ASB14: variants seen among roughly 807,000 people sequenced by gnomAD.
The protein encoded by ASB14 is ankyrin repeat and SOCS box containing 14.
Under a neutral mutation model 55.6 loss-of-function variants are expected in ASB14, and 63 were observed. The observed-to-expected ratio is 1.13, with a 90% CI of 0.92 to 1.40. The LOEUF is 1.40. Ranked by LOEUF, ASB14 falls within the 40% of genes most tolerant of loss-of-function variation. The pLI is 0.00. For missense variants in ASB14, 724 were observed against 710.4 expected (o/e 1.02, Z -0.22); for synonymous variants, 256 against 259.9 (o/e 0.98, Z 0.15).
intron 2 of ASB14, among the ~76,000 whole-genome samples, chr3:57,290,236 C>T (rs2061118132): frequency 6.6e-6 from 1 of 152,172 alleles, no homozygotes; most frequent in South Asian, 2.1e-4. Flanking sequence ...TCTGTTCCTT[C>T]TGGAGGCTCT....
In ASB14 at chr3:57,291,896, A is replaced by G; in HGVS notation, c.122+16T>C. ...TACAACACTTAATACTATATTGCCGATGAGAAAACCATTACCTCTCATCCT... is the reference window on the plus strand; with the variant it reads ...TACAACACTTAATACTATATTGCCGGTGAGAAAACCATTACCTCTCATCCT... On this transcript the variant is annotated intron_variant, in intron 2 of 10. Transcript: ENST00000487349. 6.6e-7 allele frequency: 1 copy of G among 1,522,640 alleles called. No homozygotes were observed. Among genetic ancestry groups the G allele is most frequent in the Non-Finnish European group, 8.8e-7 (1 of 1,134,148 alleles). The allele number at this position is 1,522,640 out of a possible 1,614,324, so 94.3% of individuals were successfully genotyped here.
intron 5 of ASB14, among the ~76,000 whole-genome samples, chr3:57,285,514 C>T (rs1049324765): frequency 2.0e-5 from 3 of 152,100 alleles, no homozygotes; most frequent in Admixed American, 6.5e-5. Context: ...GCACATTTCT[C>T]GTCCCACCAT....
Position 57,288,175 on chromosome 3 carries a change from AT to A in ASB14, c.289del (p.Ile97PhefsTer4), listed in dbSNP as rs1382261085. 6.5e-7 allele frequency: 1 copy of A among 1,536,908 alleles called. No homozygotes were observed. The highest frequency in any genetic ancestry group is 1.4e-5 in the African/African-American group (1 of 73,040). ...TTTACCGCTTAGGGTTATTTCCAAA[AT>A]TTTCCTATTTAATTGCACTGCAGCC... ...HKAAVQLNRK[I>X]LEITLSASDP... is the part of the protein sequence containing the mutation. On this transcript the variant is annotated frameshift_variant, in exon 4 of 11. Transcript: ENST00000487349. LOFTEE classifies it high-confidence loss of function.
chr3:57,291,068 G>A (rs182950089), intron 2 of ASB14, among the ~76,000 whole-genome samples: 48 of 152,252 alleles, frequency 3.2e-4, no homozygotes, highest in African/African-American at 1.1e-3. Flanking sequence ...TCATAGAGAG[G>A]TAATGAGAAT....
rs1214358640 is a variant in ASB14 at position 57,268,986 on chromosome 3, T to TG, written c.*654dup. ...TCCATGAAATTGTAAGAGCGTGTTA[T>TG]GGGTTGTAGATTGACAGTAGGAATA... On this transcript the variant is annotated 3_prime_UTR_variant, in exon 11 of 11. Coordinates refer to ENST00000487349, the MANE Select transcript of ASB14 (RefSeq NM_001142733.3). The TG allele has an allele frequency of 6.5e-6, 1 of 153,066 alleles. No individual in the cohort carries two copies. Among genetic ancestry groups the TG allele is most frequent in the African/African-American group, 2.4e-5 (1 of 41,450 alleles). The allele number at this position is 153,066 out of a possible 1,614,324, so 9.5% of individuals were successfully genotyped here. A position where few individuals can be genotyped will look rare whatever the true frequency, so the allele number is the denominator to read the frequency against.
In ASB14 at chr3:57,278,776, C is replaced by T; in HGVS notation, c.1032G>A (p.Leu344=). The T allele has an allele frequency of 6.2e-7, 1 of 1,613,266 alleles. No homozygotes were observed. The highest frequency in any genetic ancestry group is 8.5e-7 in the Non-Finnish European group (1 of 1,179,638). ...IQAGFDVNFM[L]DQRINKHYDD... is the part of the protein sequence containing the mutation. The stretch of plus-strand genomic sequence containing the variant: ...CGTAGTGTTTGTTAATTCTCTGATC[C>T]AGCATGAAGTTCACATCAAATCCAG... Residue 344 remains leucine (L), a synonymous_variant, in exon 8 of 11, where the codon CTG becomes CTA. Transcript: ENST00000487349.
At chr3:57,289,482 T>C (rs2061111012) in intron 2 of ASB14, among the ~76,000 whole-genome samples, 1 of 152,154 alleles carries the variant, frequency 6.6e-6, no homozygotes, top group African/African-American at 2.4e-5. Context: ...TTGATGGCCA[T>C]TATAGAATGT....
rs543378148 is a variant in ASB14 at position 57,283,133 on chromosome 3, G to A, written c.715+61C>T. The A allele has an allele frequency of 1.1e-5, 17 of 1,527,778 alleles. No individual in the cohort carries two copies. In the African/African-American group the frequency reaches 2.1e-4, roughly 19 times the overall value. The allele number at this position is 1,527,778 out of a possible 1,614,324, so 94.6% of individuals were successfully genotyped here. The stretch of plus-strand genomic sequence containing the variant: ...TTATTATTTTGAAGCTCTCCATTAA[G>A]AGGAGAACCCCTGGATCATGTTACC... On this transcript the variant is annotated intron_variant, in intron 6 of 10. Transcript: ENST00000487349.
intron 10 of ASB14, among the ~76,000 whole-genome samples, chr3:57,275,404 A>T (rs1187245208): frequency 6.6e-6 from 1 of 151,014 alleles, no homozygotes; most frequent in African/African-American, 2.4e-5. Flanking sequence ...GTGAGCTGAG[A>T]TCATGCCACC....
chr3:57,275,774 A>G (rs1003634676), intron 10 of ASB14, among the ~76,000 whole-genome samples: 5 of 152,238 alleles, frequency 3.3e-5, no homozygotes, highest in African/African-American at 1.2e-4. Flanking sequence ...CATGTGTTAT[A>G]TAGCCTGTTG....
In ASB14 at chr3:57,277,852, A is replaced by G. The variant is rs1284771849; in HGVS notation, c.1500T>C (p.Asp500=). 1 of 1,613,950 alleles carries G rather than the reference A, an allele frequency of 6.2e-7. No individual in the cohort carries two copies. The highest frequency in any genetic ancestry group is 1.3e-5 in the African/African-American group (1 of 75,072). Residue 500 remains aspartate, a synonymous_variant, in exon 9 of 11, where the codon GAT becomes GAC. Coordinates refer to ENST00000487349, the MANE Select transcript of ASB14 (RefSeq NM_001142733.3). Reference sequence around the variant, plus strand: ...AACAGATCCGAACTTGATCAACATAATCAAGCATCACTCGAACAACCTTTC... The same window carrying G: ...AACAGATCCGAACTTGATCAACATAGTCAAGCATCACTCGAACAACCTTTC... ...LSGKVVRVML[D]YVDQVRICSK...
chr3:57,283,924 G>A (rs1396661628), intron 5 of ASB14, among the ~76,000 whole-genome samples: 1 of 151,962 alleles, frequency 6.6e-6, no homozygotes, highest in African/African-American at 2.4e-5. Context: ...GGTGGGAGTG[G>A]TTGAGGCCAT....
intron 9 of ASB14, among the ~76,000 whole-genome samples, chr3:57,277,064 G>A (rs907604237): frequency 6.6e-6 from 1 of 152,036 alleles, no homozygotes; most frequent in Non-Finnish European, 1.5e-5. Context: ...CCAGGAGTTC[G>A]AGACCAGCCT....
In ASB14 at chr3:57,283,457, T is replaced by C. The variant is rs1457314367; in HGVS notation, c.470-18A>G. On this transcript the variant is annotated intron_variant, in intron 5 of 10. Coordinates refer to ENST00000487349, the MANE Select transcript of ASB14 (RefSeq NM_001142733.3). ...CAGCACAGCTGGGAAATGAGAAGTG[T>C]GGTGGGCATGTTCAACGGGAAGTTA... The C allele has an allele frequency of 6.5e-7, 1 of 1,547,796 alleles. No individual in the cohort carries two copies. The highest frequency in any genetic ancestry group is 2.4e-5 in the East Asian group (1 of 40,870).
chr3:57,271,772 T>C (rs539926515), intron 10 of ASB14: 2 of 152,356 alleles, frequency 1.3e-5, no homozygotes, highest in African/African-American at 4.8e-5. Flanking sequence ...TTAAGTCATG[T>C]TCACAGGAAT....
Position 57,268,343 on chromosome 3 carries a change from A to C in ASB14, c.*1298T>G. ...CCATGTGATATTAACTGAAATGTCT[A>C]AAATTTAAAGTTATTTCATATTTAA... is the stretch of plus-strand genomic sequence containing the variant. On this transcript the variant is annotated 3_prime_UTR_variant, in exon 11 of 11. Transcript: ENST00000487349. 1 of 1,444,510 alleles carries C rather than the reference A, an allele frequency of 6.9e-7. No individual in the cohort carries two copies. The highest frequency in any genetic ancestry group is 9.3e-7 in the Non-Finnish European group (1 of 1,070,990). The allele number at this position is 1,444,510 out of a possible 1,614,324, so 89.5% of individuals were successfully genotyped here.
intron 2 of ASB14, among the ~76,000 whole-genome samples, 186 bp downstream of exon 2, chr3:57,291,722 CTAAT>C (rs200295717): frequency 6.6e-6 from 1 of 152,126 alleles, no homozygotes; most frequent in East Asian, 1.9e-4. Flanking sequence ...TTTTTATTGC[CTAAT>C]TAAATTCTGA....
chr3:57,283,742 T>C (rs1232307688), intron 5 of ASB14, among the ~76,000 whole-genome samples: 1 of 151,980 alleles, frequency 6.6e-6, no homozygotes, highest in Non-Finnish European at 1.5e-5. Context: ...GGGAACTTAA[T>C]TATTCAGTAT....
chr3:57,276,795 T>C, intron 9 of ASB14, 67 bp from the exon 10 acceptor site: 1 of 1,423,758 alleles, frequency 7.0e-7, no homozygotes, highest in South Asian at 1.4e-5. Context: ...AGGGTTTTGT[T>C]AGCAAACGTA....
Sources: gnomAD v4.1 joint callset for allele counts (sites outside exome capture counted in the v4.1 genomes callset) on GRCh38, gnomAD v4.1.1 for gene constraint, MANE v1.5 for transcripts, NCBI Gene and HGNC (gene_info 2026-07-23, HGNC 2026-07-21) for gene names.